The following LRP1B variants were observed in gnomAD, a reference collection of about 807,000 sequenced individuals.
LRP1B encodes low-density lipoprotein receptor-related protein 1B.
Under a neutral mutation model 556.6 loss-of-function variants are expected in LRP1B, and 217 were observed. The observed-to-expected ratio is 0.39, with a 90% CI of 0.35 to 0.44. The LOEUF (loss-of-function observed/expected upper bound fraction) is 0.44, where lower values mean the gene tolerates loss of function less well. Ranked by LOEUF, LRP1B falls within the 20% of genes least tolerant of loss-of-function variation. LRP1B has a pLI of 1.00. For synonymous variants in LRP1B, 2,047 were observed against 1,865.8 expected (o/e 1.10, Z -2.50); for missense variants, 5,053 against 5,620.8 (o/e 0.90, Z 3.23).
At chr2:140,235,954 AGATT>A (rs976794010) in intron 89 of LRP1B, among the ~76,000 whole-genome samples, 6 of 151,046 alleles carry the variant, frequency 4.0e-5, no homozygotes, top group African/African-American at 7.3e-5. Flanking sequence ...TAGATATAAT[AGATT>A]ATCAATAGCA....
intron 32 of LRP1B, among the ~76,000 whole-genome samples, chr2:140,790,370 A>C (rs1690073513): frequency 6.6e-6 from 1 of 152,170 alleles, no homozygotes; most frequent in African/African-American, 2.4e-5. Context: ...GAGAGAGAAA[A>C]AATTGAAAAG....
chr2:140,454,842 G>A (rs934564821), intron 62 of LRP1B, among the ~76,000 whole-genome samples: 2 of 152,032 alleles, frequency 1.3e-5, no homozygotes, highest in Admixed American at 1.3e-4. Context: ...TGCTATTTGA[G>A]ATGTTCATCT....
At chr2:142,017,579 T>C (rs978883962) in intron 1 of LRP1B, among the ~76,000 whole-genome samples, 9 of 152,178 alleles carry the variant, frequency 5.9e-5, no homozygotes, top group Non-Finnish European at 1.3e-4. Context: ...AGAAAAATAT[T>C]TGTGAGTTGT....
chr2:142,094,477 GGGTTCT>G (rs1706285407), intron 1 of LRP1B, among the ~76,000 whole-genome samples: 1 of 151,954 alleles, frequency 6.6e-6, no homozygotes, highest in East Asian at 1.9e-4. Flanking sequence ...CTATAGCGAA[GGGTTCT>G]TGTTACAAAT....
At chr2:140,820,311 A>T (rs1691283081) in intron 31 of LRP1B, among the ~76,000 whole-genome samples, 1 of 152,148 alleles carries the variant, frequency 6.6e-6, no homozygotes, top group Non-Finnish European at 1.5e-5. Context: ...ACATTATTCA[A>T]CAACTAGTTG....
At chr2:141,164,911 T>C (rs1454689717) in intron 7 of LRP1B, among the ~76,000 whole-genome samples, 1 of 152,036 alleles carries the variant, frequency 6.6e-6, no homozygotes, top group African/African-American at 2.4e-5. Flanking sequence ...CTAACCCTTA[T>C]TTTTTAATTT....
At chr2:140,951,809 C>T (rs368798350) in intron 19 of LRP1B, 51 bp downstream of exon 19, 22 of 1,423,808 alleles carry the variant, frequency 1.5e-5, no homozygotes, top group South Asian at 3.5e-5. Context: ...CAGTCCAGAC[C>T]GCCAAGCCCC....
intron 1 of LRP1B, among the ~76,000 whole-genome samples, chr2:142,003,678 G>A (rs1702723459): frequency 6.6e-6 from 1 of 152,158 alleles, no homozygotes; most frequent in East Asian, 1.9e-4. Context: ...ATGGAAGAAC[G>A]AGGGTAGATG....
intron 66 of LRP1B, among the ~76,000 whole-genome samples, chr2:140,424,284 T>C (rs1685568523): frequency 6.6e-6 from 1 of 152,210 alleles, no homozygotes; most frequent in Non-Finnish European, 1.5e-5. Context: ...AATTACGAAG[T>C]ATTTAAAATT....
intron 2 of LRP1B, among the ~76,000 whole-genome samples, chr2:141,591,952 C>T (rs528598274): frequency 7.2e-5 from 11 of 152,200 alleles, no homozygotes; most frequent in African/African-American, 2.6e-4. Flanking sequence ...AGAATCTATG[C>T]AGGATTATGA....
intron 1 of LRP1B, among the ~76,000 whole-genome samples, chr2:141,966,194 C>T (rs1701561569): frequency 6.6e-6 from 1 of 151,860 alleles, no homozygotes; most frequent in Admixed American, 6.6e-5. Context: ...GAAATAACTA[C>T]AGCAGGACAA....
chr2:141,145,946 A>C (rs1466991137), intron 7 of LRP1B, among the ~76,000 whole-genome samples: 1 of 66,096 alleles, frequency 1.5e-5, no homozygotes, highest in African/African-American at 5.9e-5. Context: ...TTTTTTTGAG[A>C]TGGAGTCTTG....
At chr2:140,993,928 C>T (rs1272640211) in intron 16 of LRP1B, 67 bp downstream of exon 16, 1 of 1,499,358 alleles carries the variant, frequency 6.7e-7, no homozygotes, top group Non-Finnish European at 9.1e-7. Context: ...CACAAACTGC[C>T]TTGATAATTC....
intron 3 of LRP1B, among the ~76,000 whole-genome samples, chr2:141,259,089 T>G (rs1320834083): frequency 6.6e-6 from 1 of 152,154 alleles, no homozygotes; most frequent in Non-Finnish European, 1.5e-5. Context: ...ATGGGTAGCT[T>G]TGAGACATCA....
At chr2:141,153,285 A>G (rs1278443177) in intron 7 of LRP1B, among the ~76,000 whole-genome samples, 1 of 129,220 alleles carries the variant, frequency 7.7e-6, no homozygotes, top group Non-Finnish European at 1.6e-5. Flanking sequence ...TATAAGCTAT[A>G]TATATTTATA....
intron 2 of LRP1B, among the ~76,000 whole-genome samples, chr2:141,766,252 G>A (rs1694729205): frequency 6.6e-6 from 1 of 152,140 alleles, no homozygotes; most frequent in Admixed American, 6.5e-5. Context: ...AGGATAAGCA[G>A]CAGATTTGGG....
At chr2:140,273,196 G>A (rs563800043) in intron 85 of LRP1B, among the ~76,000 whole-genome samples, 19 of 151,994 alleles carry the variant, frequency 1.3e-4, no homozygotes, top group Admixed American at 2.6e-4. Context: ...GAATGGAGTT[G>A]TAAAGAAGAT....
intron 1 of LRP1B, among the ~76,000 whole-genome samples, chr2:141,938,061 T>G (rs1039192514): frequency 6.6e-6 from 1 of 152,318 alleles, no homozygotes; most frequent in East Asian, 1.9e-4. Context: ...TGTGTCTTTT[T>G]TTATGCCAGT....
intron 1 of LRP1B, among the ~76,000 whole-genome samples, chr2:141,987,874 A>G (rs898316797): frequency 2.2e-5 from 3 of 133,710 alleles, no homozygotes; most frequent in African/African-American, 8.4e-5. Context: ...TTCTAATCTT[A>G]GTAAACAGAA....
Sources: allele counts gnomAD v4.1 joint callset (sites outside exome capture counted in the v4.1 genomes callset), GRCh38; gene constraint gnomAD v4.1.1; transcripts MANE v1.5; gene names NCBI Gene and HGNC (gene_info 2026-07-23, HGNC 2026-07-21).